Variants in THSD4 observed in about 807,000 individuals in gnomAD.
The protein encoded by THSD4 is thrombospondin type 1 domain containing 4.
Under a neutral mutation model 119.0 loss-of-function variants are expected in THSD4, and 69 were observed. The observed-to-expected ratio is 0.58, with a 90% confidence interval of 0.48 to 0.71. THSD4 has a LOEUF of 0.71. THSD4 is among the 30% of genes least tolerant of loss of function. The pLI is 0.00. For missense variants in THSD4, 1,393 were observed against 1,391.1 expected, an observed-to-expected ratio of 1.00 and a Z score of -0.02; for synonymous variants, 524 against 540.4, an observed-to-expected ratio of 0.97 and a Z score of 0.42.
At chr15:71,106,933 T>C (rs2040276517) in intron 1 of THSD4, among the ~76,000 whole-genome samples, 1 of 152,106 alleles carries the variant, frequency 6.6e-6, no homozygotes, top group Non-Finnish European at 1.5e-5. Flanking sequence ...CCTGGCCACA[T>C]TTAACTTCAA....
chr15:71,598,514 A>G (rs1305735809), intron 7 of THSD4, among the ~76,000 whole-genome samples: 1 of 152,188 alleles, frequency 6.6e-6, no homozygotes, highest in Non-Finnish European at 1.5e-5. Context: ...ACCGTTTTGC[A>G]GACGTCATTT....
At chr15:71,757,428 T>C (rs560599598) in intron 14 of THSD4, among the ~76,000 whole-genome samples, 3 of 151,000 alleles carry the variant, frequency 2.0e-5, no homozygotes, top group Non-Finnish European at 4.4e-5. Context: ...TATATATATT[T>C]TTTTATTTTT....
chr15:71,696,354 A>G (rs2052165579), intron 8 of THSD4, among the ~76,000 whole-genome samples: 1 of 152,178 alleles, frequency 6.6e-6, no homozygotes, highest in African/African-American at 2.4e-5. Flanking sequence ...TCTTTTGGGA[A>G]CTAACCCCTT....
chr15:71,407,167 G>C (rs2046620296), intron 6 of THSD4, among the ~76,000 whole-genome samples: 1 of 152,138 alleles, frequency 6.6e-6, no homozygotes, highest in African/African-American at 2.4e-5. Flanking sequence ...TTGATTTTCA[G>C]AGGCACTGAT....
chr15:71,369,008 G>A (rs1405267897), intron 6 of THSD4, among the ~76,000 whole-genome samples: 1 of 152,176 alleles, frequency 6.6e-6, no homozygotes, highest in Non-Finnish European at 1.5e-5. Flanking sequence ...CACATCCCTT[G>A]TAAGTTGGAT....
chr15:71,400,695 G>C (rs2046518276), intron 6 of THSD4, among the ~76,000 whole-genome samples: 1 of 152,152 alleles, frequency 6.6e-6, no homozygotes, highest in South Asian at 2.1e-4. Context: ...TTAAGACATT[G>C]TATCCACATG....
chr15:71,146,980 A>G (rs117307020), intron 2 of THSD4, among the ~76,000 whole-genome samples: 191 of 152,286 alleles, frequency 1.3e-3, no homozygotes, highest in Non-Finnish European at 2.1e-3. Context: ...TGGGCTGCCA[A>G]TTACCCATTC....
intron 6 of THSD4, among the ~76,000 whole-genome samples, chr15:71,265,998 A>G (rs925821903): frequency 6.6e-6 from 1 of 152,190 alleles, no homozygotes; most frequent in African/African-American, 2.4e-5. Flanking sequence ...CCTGGGACAG[A>G]CCGCCTGGGG....
intron 7 of THSD4, among the ~76,000 whole-genome samples, chr15:71,508,723 T>A (rs2048232875): frequency 6.6e-6 from 1 of 152,196 alleles, no homozygotes; most frequent in South Asian, 2.1e-4. Flanking sequence ...AAAACTATCA[T>A]GTATATGTAG....
chr15:71,097,773 A>C (rs2040237594), intron 1 of THSD4, among the ~76,000 whole-genome samples: 1 of 151,332 alleles, frequency 6.6e-6, no homozygotes, highest in Admixed American at 6.6e-5. Context: ...GATTCATCAC[A>C]CAATCTGTAA....
intron 7 of THSD4, among the ~76,000 whole-genome samples, chr15:71,605,676 T>C (rs1282468354): frequency 1.3e-5 from 2 of 152,218 alleles, no homozygotes; most frequent in Non-Finnish European, 2.9e-5. Context: ...AACTAGATTT[T>C]AGACTGTAAA....
intron 7 of THSD4, among the ~76,000 whole-genome samples, chr15:71,510,063 CCCTAGAG>C (rs2048254940): frequency 6.6e-6 from 1 of 152,154 alleles, no homozygotes; most frequent in Non-Finnish European, 1.5e-5. Context: ...TAATGAATAA[CCCTAGAG>C]CTGTGTGTCG....
Position 71,215,218 on chromosome 15 carries a change from GC to G in THSD4, c.287del (p.Pro96LeufsTer152). On this transcript the variant is annotated frameshift_variant, in exon 4 of 18. Transcript: ENST00000261862. LOFTEE classifies it high-confidence loss of function. ...CCTGCGCGGCGGCCAGCGGCCTGGCGCCCCTGCGCGCGCCTTCGCGGACCAC... is the reference window on the plus strand; with the variant it reads ...CCTGCGCGGCGGCCAGCGGCCTGGCGCCCTGCGCGCGCCTTCGCGGACCAC... Reference protein sequence around the residue: ...YRLRGGQRPGAPARAFADHVV... With the variant: ...YRLRGGQRPGXPARAFADHVV... The G allele has an allele frequency of 7.3e-7, 1 of 1,378,850 alleles. No individual in the cohort carries two copies. Among genetic ancestry groups the G allele is most frequent in the South Asian group, 1.6e-5 (1 of 61,710 alleles). The allele number at this position is 1,378,850 out of a possible 1,614,324, so 85.4% of individuals were successfully genotyped here.
intron 7 of THSD4, among the ~76,000 whole-genome samples, chr15:71,564,925 A>G (rs1454315716): frequency 1.3e-5 from 2 of 151,798 alleles, no homozygotes; most frequent in Non-Finnish European, 1.5e-5. Flanking sequence ...CAGGACAAAA[A>G]GGTTAAATAG....
chr15:71,574,168 G>A (rs2049407014), intron 7 of THSD4, among the ~76,000 whole-genome samples: 1 of 152,172 alleles, frequency 6.6e-6, no homozygotes, highest in Admixed American at 6.5e-5. Context: ...GTGAGCCACA[G>A]CCCTTAGTTC....
chr15:71,539,274 A>G (rs930662279), intron 7 of THSD4, among the ~76,000 whole-genome samples: 3 of 152,198 alleles, frequency 2.0e-5, no homozygotes, highest in African/African-American at 7.2e-5. Context: ...CCTTTCCTGC[A>G]TGGCCAGCTC....
At chr15:71,372,342 G>C (rs1207484667) in intron 6 of THSD4, among the ~76,000 whole-genome samples, 2 of 152,206 alleles carry the variant, frequency 1.3e-5, no homozygotes, top group East Asian at 3.8e-4. Context: ...TCCTTTGGAG[G>C]GGGAGAGGCA....
At chr15:71,318,107 G>T (rs1365885949) in intron 6 of THSD4, among the ~76,000 whole-genome samples, 4 of 152,166 alleles carry the variant, frequency 2.6e-5, no homozygotes, top group African/African-American at 4.8e-5. Context: ...AGGGAGCATG[G>T]AGTTACTTGT....
At chr15:71,647,516 A>G (rs1344725236) in intron 7 of THSD4, among the ~76,000 whole-genome samples, 2 of 152,222 alleles carry the variant, frequency 1.3e-5, no homozygotes, top group Admixed American at 1.3e-4. Context: ...GGATGTATCT[A>G]TGGTTAGAAG....
Sources: gnomAD v4.1 joint callset for allele counts (sites outside exome capture counted in the v4.1 genomes callset) on GRCh38, gnomAD v4.1.1 for gene constraint, MANE v1.5 for transcripts, NCBI Gene and HGNC (gene_info 2026-07-23, HGNC 2026-07-21) for gene names.